The following SNX14 variants were observed in gnomAD, a reference collection of about 807,000 sequenced individuals.
The protein encoded by SNX14 is sorting nexin 14.
SNX14 carries 93 observed loss-of-function variants against 133.8 expected under a neutral mutation model. The observed-to-expected ratio is 0.70, with a 90% CI of 0.59 to 0.83. The LOEUF (loss-of-function observed/expected upper bound fraction) is 0.83. SNX14 is among the 40% of genes least tolerant of loss of function. The pLI, the probability that SNX14 is intolerant of heterozygous loss-of-function variation, is 0.00. For synonymous variants in SNX14, 368 were observed against 365.6 expected (o/e 1.01, Z -0.07); for missense variants, 945 against 1,094.9 (o/e 0.86, Z 1.93).
intron 1 of SNX14, among the ~76,000 whole-genome samples, chr6:85,585,988 AG>A (rs1395216033): frequency 1.3e-5 from 2 of 148,726 alleles, no homozygotes; most frequent in African/African-American, 5.1e-5. Context: ...TCCCCGCAAC[AG>A]GAAAAAAAAA....
chr6:85,593,791 G>C lies in SNX14; in HGVS notation c.-73C>G. The C allele has an allele frequency of 3.8e-6, 6 of 1,591,384 alleles. No homozygotes were observed. Among genetic ancestry groups the C allele is most frequent in the Non-Finnish European group, 5.1e-6 (6 of 1,173,258 alleles). On this transcript the variant is annotated 5_prime_UTR_variant, in exon 1 of 29. Transcript: ENST00000314673. The stretch of plus-strand genomic sequence containing the variant: ...CAAGGCGACCCCCCATCCACACCTC[G>C]CGTCCCCGCCCCACCGACTTGGCGG...
chr6:85,566,911 A>C (rs1157820280), intron 5 of SNX14, among the ~76,000 whole-genome samples: 1 of 152,148 alleles, frequency 6.6e-6, no homozygotes, highest in Non-Finnish European at 1.5e-5. Flanking sequence ...TCAAATCTAA[A>C]GTATTTTCTG....
intron 21 of SNX14, among the ~76,000 whole-genome samples, chr6:85,521,050 G>A (rs1216259760): frequency 2.0e-5 from 3 of 152,202 alleles, no homozygotes; most frequent in Non-Finnish European, 2.9e-5. Context: ...CTAACAGTGT[G>A]TAAGAGTTCC....
intron 1 of SNX14, among the ~76,000 whole-genome samples, chr6:85,579,087 G>T (rs1312167027): frequency 6.6e-6 from 1 of 151,874 alleles, no homozygotes; most frequent in East Asian, 1.9e-4. Context: ...GCAGTGAGCC[G>T]AGATCACGCC....
At chr6:85,535,169 T>C (rs981880698) in intron 17 of SNX14, among the ~76,000 whole-genome samples, 3 of 151,704 alleles carry the variant, frequency 2.0e-5, no homozygotes, top group Non-Finnish European at 2.9e-5. Flanking sequence ...TTGGGCACCA[T>C]CACACCCAGC....
chr6:85,520,015 C>CAGTAGT (rs548244244), intron 21 of SNX14, among the ~76,000 whole-genome samples: 26 of 150,702 alleles, frequency 1.7e-4, no homozygotes, highest in East Asian at 5.8e-4. Context: ...TGCTTTTATA[C>CAGTAGT]AGTAGTAGTA....
Position 85,572,360 on chromosome 6 carries a change from C to T in SNX14, c.276G>A (p.Gln92=), listed in dbSNP as rs1230811263. 3.1e-6 allele frequency: 5 copies of T among 1,613,032 alleles called. No homozygotes were observed. Among genetic ancestry groups the T allele is most frequent in the Non-Finnish European group, 4.2e-6 (5 of 1,179,660 alleles). ...IKYKPKQLGL[Q]ELFPQGHSCA... is the part of the protein sequence containing the mutation. ...AGCTATGACCTTGAGGAAATAATTC[C>T]TGAAGTCCTAACTGCTAAAAAAGGA... Residue 92 remains glutamine, a synonymous_variant, in exon 3 of 29, where the codon CAG becomes CAA. Transcript: ENST00000314673.
At chr6:85,536,712 GA>G in intron 17 of SNX14, 79 bp downstream of exon 17, 1 of 1,394,614 alleles carries the variant, frequency 7.2e-7, no homozygotes, top group Non-Finnish European at 9.6e-7. Context: ...CCAAAAAAAG[GA>G]AAATAATGAG....
chr6:85,566,985 G>A (rs1794082842), intron 5 of SNX14, among the ~76,000 whole-genome samples: 1 of 150,472 alleles, frequency 6.6e-6, no homozygotes, highest in Non-Finnish European at 1.5e-5. Context: ...GGTACTTGGG[G>A]AAAAAAAAAC....
chr6:85,572,931 C>T (rs1796151460), intron 2 of SNX14, among the ~76,000 whole-genome samples: 4 of 152,130 alleles, frequency 2.6e-5, no homozygotes, highest in Non-Finnish European at 5.9e-5. Flanking sequence ...TGCACTCTAG[C>T]CTGTGCAACT....
chr6:85,509,982 C>G (rs1184410930), intron 26 of SNX14, among the ~76,000 whole-genome samples: 1 of 152,134 alleles, frequency 6.6e-6, no homozygotes, highest in Non-Finnish European at 1.5e-5. Flanking sequence ...ACAGCTCATT[C>G]CTTTATAGCA....
chr6:85,546,991 C>T (rs1226716316), intron 12 of SNX14, 121 bp downstream of exon 12: 5 of 593,010 alleles, frequency 8.4e-6, no homozygotes, highest in Non-Finnish European at 1.1e-5. Flanking sequence ...AAAAGGAAAT[C>T]GAGTATATGA....
intron 1 of SNX14, among the ~76,000 whole-genome samples, chr6:85,592,864 A>AGCGTGGTG (rs1344468478): frequency 4.0e-5 from 6 of 150,806 alleles, no homozygotes; most frequent in Admixed American, 6.6e-5. Context: ...TTAGCGTGGT[A>AGCGTGGTG]GCGTGGTGGC....
intron 6 of SNX14, among the ~76,000 whole-genome samples, chr6:85,562,139 C>G (rs932624135): frequency 7.2e-5 from 11 of 152,188 alleles, no homozygotes; most frequent in Non-Finnish European, 8.8e-5. Context: ...TTAGGACCAG[C>G]TACATCCATG....
intron 7 of SNX14, among the ~76,000 whole-genome samples, chr6:85,557,255 C>A (rs987050732): frequency 6.6e-6 from 1 of 152,030 alleles, no homozygotes; most frequent in African/African-American, 2.4e-5. Context: ...CTAAGTACAG[C>A]GCATAGAAGT....
chr6:85,520,336 A>C (rs1284065500), intron 21 of SNX14, among the ~76,000 whole-genome samples: 2 of 149,986 alleles, frequency 1.3e-5, no homozygotes, highest in East Asian at 3.9e-4. Flanking sequence ...AGCCACTGCA[A>C]CTAGTCAATG....
chr6:85,548,593 T>A (rs901693367), intron 8 of SNX14, among the ~76,000 whole-genome samples: 2 of 151,982 alleles, frequency 1.3e-5, no homozygotes, highest in African/African-American at 4.8e-5. Flanking sequence ...AGAGTTAGAG[T>A]TCTTACTTGG....
rs556643697 is a variant in SNX14 at position 85,575,737 on chromosome 6, G to A, written c.141-1359C>T. 7.2e-5 allele frequency among the ~76,000 whole-genome samples: 11 copies of A among 152,298 alleles called. No individual in the cohort carries two copies. In the South Asian group the frequency reaches 2.1e-3, roughly 29 times the overall value. ...GTGAACTTTTTGACAACAATGAGAA[G>A]AGTGGTTATGGCACAAGGATGAAAA... is the stretch of plus-strand genomic sequence containing the variant. On this transcript the variant is annotated intron_variant, in intron 1 of 28. Transcript: ENST00000314673.
chr6:85,547,395 A>G lies in SNX14; in HGVS notation c.915T>C (p.Pro305=), dbSNP rs1248393283. The change falls in exon 11 of 29, where the codon CCT becomes CCC. Residue 305 remains proline (P), a splice_region_variant and synonymous_variant. Coordinates refer to ENST00000314673, the MANE Select transcript of SNX14 (RefSeq NM_153816.6). ...LLIIFIDDSP[P]EKATEPASPL... Reference sequence around the variant, plus strand: ...GAGAAGCCGGTTCAGTTGCTTTTTCAGGCTTTGAAAGAAAGAGAATTATTA... The same window carrying G: ...GAGAAGCCGGTTCAGTTGCTTTTTCGGGCTTTGAAAGAAAGAGAATTATTA... The G allele has an allele frequency of 1.5e-5, 24 of 1,612,724 alleles. No individual in the cohort carries two copies. Among genetic ancestry groups the G allele is most frequent in the Non-Finnish European group, 2.0e-5 (24 of 1,179,712 alleles).
Sources: gnomAD v4.1 joint callset for allele counts (sites outside exome capture counted in the v4.1 genomes callset) on GRCh38, gnomAD v4.1.1 for gene constraint, MANE v1.5 for transcripts, NCBI Gene and HGNC (gene_info 2026-07-23, HGNC 2026-07-21) for gene names.